Variants in NFATC2 observed in about 807,000 individuals in gnomAD.
NFATC2 encodes the protein nuclear factor of activated T cells 2, also known as nuclear factor of activated T-cells, cytoplasmic 2.
NFATC2 carries 22 observed loss-of-function variants against 87.3 expected under a neutral mutation model. The ratio of observed to expected loss-of-function variants is 0.25; its 90% CI spans 0.18 to 0.36. NFATC2 has a LOEUF of 0.36. Among genes scored for constraint, NFATC2 ranks in the 10% least tolerant of loss-of-function variants. The probability of loss-of-function intolerance (pLI) is 1.00; values close to 1 mark genes in which losing one functional copy is unlikely to be tolerated. For missense variants in NFATC2, 1,149 were observed against 1,259.1 expected (o/e 0.91, Z 1.32); for synonymous variants, 565 against 542.2 (o/e 1.04, Z -0.58).
At chr20:51,459,908 CA>C (rs990841950) in intron 5 of NFATC2, among the ~76,000 whole-genome samples, 1 of 151,552 alleles carries the variant, frequency 6.6e-6, no homozygotes, top group Non-Finnish European at 1.5e-5. Context: ...CAAAACAAAA[CA>C]AAAAAAAGTT....
intron 1 of NFATC2, among the ~76,000 whole-genome samples, chr20:51,552,740 G>A (rs1373514945): frequency 1.2e-4 from 19 of 152,122 alleles, no homozygotes; most frequent in Admixed American, 1.1e-3. Flanking sequence ...GCTCCACCAA[G>A]TCCATCCTGC....
intron 1 of NFATC2, among the ~76,000 whole-genome samples, chr20:51,539,979 G>A (rs2076780235): frequency 1.3e-5 from 2 of 152,144 alleles, no homozygotes; most frequent in African/African-American, 2.4e-5. Context: ...GGTAATCAAG[G>A]TTAGCATTAA....
At chr20:51,553,116 C>T (rs2076947697) in intron 1 of NFATC2, among the ~76,000 whole-genome samples, 1 of 152,118 alleles carries the variant, frequency 6.6e-6, no homozygotes, top group South Asian at 2.1e-4. Flanking sequence ...CCACTCCAGG[C>T]CTACATTCCC....
intron 3 of NFATC2, among the ~76,000 whole-genome samples, chr20:51,506,370 T>C (rs2076179401): frequency 6.6e-6 from 1 of 152,174 alleles, no homozygotes; most frequent in Admixed American, 6.5e-5. Flanking sequence ...TGCATGACTA[T>C]TGCTAGAGTC....
chr20:51,449,313 T>G (rs1985480510), intron 6 of NFATC2, among the ~76,000 whole-genome samples: 1 of 151,858 alleles, frequency 6.6e-6, no homozygotes, highest in Non-Finnish European at 1.5e-5. Flanking sequence ...GCTCTTGAGG[T>G]CAAAAGAGCA....
chr20:51,400,486 G>A (rs1987904549), intron 9 of NFATC2, among the ~76,000 whole-genome samples: 1 of 151,930 alleles, frequency 6.6e-6, no homozygotes, highest in South Asian at 2.1e-4. Flanking sequence ...GGGCACAATG[G>A]CGCTATCTCA....
chr20:51,416,812 C>T (rs535804120), intron 9 of NFATC2, among the ~76,000 whole-genome samples: 41 of 152,222 alleles, frequency 2.7e-4, no homozygotes, highest in African/African-American at 9.6e-4. Flanking sequence ...GGCCACACCC[C>T]CAAGTTCCTT....
chr20:51,468,846 G>A (rs1432385115), intron 5 of NFATC2, among the ~76,000 whole-genome samples: 1 of 152,184 alleles, frequency 6.6e-6, no homozygotes, highest in South Asian at 2.1e-4. Flanking sequence ...CTAAACAGGG[G>A]CCTTGGATGA....
At chr20:51,549,011 G>T (rs947756227) in intron 1 of NFATC2, among the ~76,000 whole-genome samples, 2 of 152,126 alleles carry the variant, frequency 1.3e-5, no homozygotes, top group African/African-American at 4.8e-5. Flanking sequence ...AAAAGAAAAA[G>T]AGCCTGGTAC....
chr20:51,441,348 C>T (rs181956498), intron 6 of NFATC2, among the ~76,000 whole-genome samples: 1 of 152,232 alleles, frequency 6.6e-6, no homozygotes, highest in Admixed American at 6.5e-5. Flanking sequence ...GGTTCAAGTT[C>T]TGTCCCCAAA....
At chr20:51,396,451 T>G (rs1414232932) in intron 10 of NFATC2, among the ~76,000 whole-genome samples, 1 of 152,158 alleles carries the variant, frequency 6.6e-6, no homozygotes, top group Non-Finnish European at 1.5e-5. Flanking sequence ...ACTGCTGACT[T>G]TGGAACTGAA....
At chr20:51,449,638 G>A (rs1985524306) in intron 6 of NFATC2, among the ~76,000 whole-genome samples, 1 of 152,162 alleles carries the variant, frequency 6.6e-6, no homozygotes, top group South Asian at 2.1e-4. Context: ...AATTAACCTG[G>A]TTCTAAGCTT....
chr20:51,487,030 C>A (rs574525166), intron 3 of NFATC2, among the ~76,000 whole-genome samples: 1 of 152,296 alleles, frequency 6.6e-6, no homozygotes, highest in East Asian at 1.9e-4. Context: ...GCGCAGTGCT[C>A]CCTGCTGCCA....
chr20:51,451,337 A>G (rs1568995102), intron 6 of NFATC2, among the ~76,000 whole-genome samples: 1 of 152,214 alleles, frequency 6.6e-6, no homozygotes, highest in Non-Finnish European at 1.5e-5. Flanking sequence ...GAAAATTTCT[A>G]AGCTGTAGAC....
intron 5 of NFATC2, among the ~76,000 whole-genome samples, chr20:51,456,060 G>GT (rs1986492686): frequency 7.9e-6 from 1 of 126,562 alleles, no homozygotes; most frequent in Admixed American, 8.0e-5. Context: ...GGATGGATGG[G>GT]TGGGTGGGTG....
At chr20:51,428,863 C>T (rs1439773471) in intron 9 of NFATC2, among the ~76,000 whole-genome samples, 4 of 152,164 alleles carry the variant, frequency 2.6e-5, no homozygotes, top group Non-Finnish European at 5.9e-5. Flanking sequence ...AATGACAGAC[C>T]AGAAATGCCC....
chr20:51,457,426 G>C (rs953260831), intron 5 of NFATC2, among the ~76,000 whole-genome samples: 1 of 152,176 alleles, frequency 6.6e-6, no homozygotes, highest in African/African-American at 2.4e-5. Context: ...AGGCTGGCGC[G>C]GACAGTTGGG....
intron 6 of NFATC2, among the ~76,000 whole-genome samples, chr20:51,447,397 C>T (rs1024486054): frequency 6.6e-6 from 1 of 152,166 alleles, no homozygotes; most frequent in African/African-American, 2.4e-5. Flanking sequence ...CCTACGCCCC[C>T]GCAGGACACA....
chr20:51,515,988 T>C (rs1457269276), intron 3 of NFATC2, among the ~76,000 whole-genome samples: 3 of 152,194 alleles, frequency 2.0e-5, no homozygotes, highest in Admixed American at 6.5e-5. Flanking sequence ...AAAAAAGTTA[T>C]ATTAATTTAA....
Sources: allele counts gnomAD v4.1 joint callset (sites outside exome capture counted in the v4.1 genomes callset), GRCh38; gene constraint gnomAD v4.1.1; transcripts MANE v1.5; gene names NCBI Gene and HGNC (gene_info 2026-07-23, HGNC 2026-07-21).